The following DIAPH2 variants were observed in gnomAD, a reference collection of about 807,000 sequenced individuals.
DIAPH2 encodes protein diaphanous homolog 2.
Under a neutral mutation model 92.7 loss-of-function variants are expected in DIAPH2, and 35 were observed. That is an observed-to-expected ratio of 0.38 (90% CI 0.29 to 0.50). The LOEUF is 0.50. Among genes scored for constraint, DIAPH2 ranks in the 20% least tolerant of loss-of-function variants. DIAPH2 has a pLI of 0.94. For synonymous variants in DIAPH2, 301 were observed against 280.4 expected (o/e 1.07, Z -0.73); for missense variants, 701 against 819.5 (o/e 0.86, Z 1.77).
intron 22 of DIAPH2, among the ~76,000 whole-genome samples, chrX:97,143,655 T>C (rs185270545): frequency 2.3e-4 from 25 of 110,638 alleles, no homozygotes; most frequent in African/African-American, 7.5e-4. Context: ...TAGGTATTTA[T>C]CCAAAGAAAA....
At chrX:96,767,307 T>C (rs1440337100) in intron 4 of DIAPH2, among the ~76,000 whole-genome samples, 1 of 111,051 alleles carries the variant, frequency 9.0e-6, no homozygotes, top group East Asian at 2.8e-4. Context: ...AGGCAAATTT[T>C]AGTAGCAATC....
chrX:96,700,021 C>T (rs6615841), intron 1 of DIAPH2, among the ~76,000 whole-genome samples: 35 of 111,402 alleles, frequency 3.1e-4, no homozygotes, highest in African/African-American at 1.1e-3. Context: ...ATTTATATAT[C>T]ATTTTGAGAC....
Position 97,603,258 on chromosome X carries a change from A to C in DIAPH2, c.*3941A>C, listed in dbSNP as rs183026364. 3 of 109,460 alleles carry C rather than the reference A, an allele frequency of 2.7e-5. No individual in the cohort carries two copies. Among genetic ancestry groups the C allele is most frequent in the African/African-American group, 1.0e-4 (3 of 29,917 alleles). 9.0% of individuals were successfully genotyped at this position (109,460 alleles called of 1,213,427 possible). A position where few individuals can be genotyped will look rare whatever the true frequency, so the allele number is the denominator to read the frequency against. On this transcript the variant is annotated 3_prime_UTR_variant, in exon 27 of 27. Transcript: ENST00000324765. Reference sequence around the variant, plus strand: ...ATAGTTATTTTCTCTTTAAAAAAAAATTTTTTTTAATGTATTAGAGATGAG... The same window carrying C: ...ATAGTTATTTTCTCTTTAAAAAAAACTTTTTTTTAATGTATTAGAGATGAG...
At chrX:97,485,809 G>A (rs191907149) in intron 26 of DIAPH2, among the ~76,000 whole-genome samples, 10 of 111,261 alleles carry the variant, frequency 9.0e-5, no homozygotes, top group Non-Finnish European at 1.7e-4. Context: ...ACATCTCGGG[G>A]CAAATTTTCA....
chrX:97,556,842 G>A (rs1000184714), intron 26 of DIAPH2, among the ~76,000 whole-genome samples: 4 of 111,598 alleles, frequency 3.6e-5, no homozygotes, highest in East Asian at 5.6e-4. Flanking sequence ...ACTCAAAAAC[G>A]TCATTTAAAT....
chrX:97,194,556 T>A (rs906647705), intron 22 of DIAPH2, among the ~76,000 whole-genome samples: 4 of 111,499 alleles, frequency 3.6e-5, no homozygotes, highest in African/African-American at 3.3e-5. Context: ...AGTGCTGGGA[T>A]TACAGGCGTG....
chrX:96,971,234 C>T (rs752878686), intron 17 of DIAPH2, among the ~76,000 whole-genome samples: 1 of 111,802 alleles, frequency 8.9e-6, no homozygotes, highest in East Asian at 2.8e-4. Context: ...TAGGAAAAGC[C>T]AGAGGAAATA....
chrX:96,932,560 T>C lies in DIAPH2; in HGVS notation c.1089+1717T>C, dbSNP rs192943246. Among the ~76,000 whole-genome samples the C allele has an allele frequency of 2.7e-5, 3 of 111,341 alleles. No individual in the cohort carries two copies. The Admixed American group carries it at 2.9e-4, about 11-fold the overall frequency. On this transcript the variant is annotated intron_variant, in intron 10 of 26. Coordinates refer to ENST00000324765, the MANE Select transcript of DIAPH2 (RefSeq NM_006729.5). ...GTGTTTCTAAGCTACACTTTTCCAT[T>C]GGCCATATAGCCCTATATAAAACTT...
chrX:96,777,513 G>C (rs768786709), intron 4 of DIAPH2, among the ~76,000 whole-genome samples: 2 of 110,627 alleles, frequency 1.8e-5, no homozygotes, highest in African/African-American at 6.6e-5. Flanking sequence ...ATTTTGGGAT[G>C]GGGGGGTTCT....
chrX:97,371,723 G>C (rs138383462), intron 24 of DIAPH2, among the ~76,000 whole-genome samples: 1,230 of 111,422 alleles, frequency 0.011, 18 homozygotes, highest in African/African-American at 0.038. Context: ...AAACCTTATT[G>C]ATTGTGCTGC....
Position 97,288,877 on chromosome X carries a change from A to G in DIAPH2, c.2844+41038A>G, listed in dbSNP as rs745884264. On this transcript the variant is annotated intron_variant, in intron 23 of 26. Transcript: ENST00000324765. ...CTCCCTCATGAACTTAACGTGTCAT[A>G]TATTTCAGGTGCCCCATTTTAAATT... 3.1e-4 allele frequency among the ~76,000 whole-genome samples: 34 copies of G among 111,434 alleles called. No homozygotes were observed. The South Asian group carries it at 4.2e-3, about 14-fold the overall frequency.
At chrX:96,893,888 C>G (rs923596604) in intron 5 of DIAPH2, among the ~76,000 whole-genome samples, 3 of 111,855 alleles carry the variant, frequency 2.7e-5, no homozygotes, top group African/African-American at 9.7e-5. Flanking sequence ...ATGACCCCAG[C>G]TGTTCGACTG....
At chrX:97,360,110 C>G (rs1018737107) in intron 24 of DIAPH2, among the ~76,000 whole-genome samples, 3 of 111,387 alleles carry the variant, frequency 2.7e-5, no homozygotes, top group African/African-American at 9.8e-5. Flanking sequence ...ATTTTGTGCT[C>G]AAACTACTGG....
At chrX:97,027,364 A>G (rs897548221) in intron 17 of DIAPH2, among the ~76,000 whole-genome samples, 1 of 112,229 alleles carries the variant, frequency 8.9e-6, no homozygotes, top group African/African-American at 3.2e-5. Context: ...TGCTAAAAAG[A>G]TACTTCTTAG....
At chrX:97,431,977 A>G (rs2070131337) in intron 26 of DIAPH2, among the ~76,000 whole-genome samples, 1 of 111,845 alleles carries the variant, frequency 8.9e-6, no homozygotes, top group Non-Finnish European at 1.9e-5. Context: ...CCTTTCCAAG[A>G]TCCCATTGAC....
In DIAPH2 at chrX:97,573,648, G is replaced by GTTTTTTTGTTTT. The variant is rs769461377; in HGVS notation, c.3242-25587_3242-25576dup. Among the ~76,000 whole-genome samples the GTTTTTTTGTTTT allele has an allele frequency of 5.7e-5, 6 of 105,235 alleles. No homozygotes were observed. In the Middle Eastern group the frequency reaches 0.015, roughly 258 times the overall value. The allele number at this position is 105,235 out of a possible 115,157, so 91.4% of individuals were successfully genotyped here. ...AAGGTATCAAGCATGTTTTTTTGGG[G>GTTTTTTTGTTTT]TTTTTTTGTTTTTTTTTTTGTTTTT... On this transcript the variant is annotated intron_variant, in intron 26 of 26. Transcript: ENST00000324765.
At chrX:97,145,041 AG>A (rs2067235255) in intron 22 of DIAPH2, among the ~76,000 whole-genome samples, 1 of 112,120 alleles carries the variant, frequency 8.9e-6, no homozygotes. Flanking sequence ...CTGGGATTAC[AG>A]GCGTGAGCCA....
At chrX:96,866,028 A>G in intron 4 of DIAPH2, among the ~76,000 whole-genome samples, 1 of 112,212 alleles carries the variant, frequency 8.9e-6, no homozygotes, top group Non-Finnish European at 1.9e-5. Context: ...TTCAAATCAA[A>G]TTTTCATGAC....
intron 26 of DIAPH2, among the ~76,000 whole-genome samples, chrX:97,521,032 G>A (rs1243611678): frequency 9.0e-6 from 1 of 111,424 alleles, no homozygotes; most frequent in Non-Finnish European, 1.9e-5. Flanking sequence ...GTATTAGAAG[G>A]TGGGGCCTTT....
Sources: gnomAD v4.1 joint callset for allele counts (sites outside exome capture counted in the v4.1 genomes callset) on GRCh38, gnomAD v4.1.1 for gene constraint, MANE v1.5 for transcripts, NCBI Gene and HGNC (gene_info 2026-07-23, HGNC 2026-07-21) for gene names.